The following PPP6R1 variants were observed in gnomAD, a reference collection of about 807,000 sequenced individuals.
PPP6R1 encodes the protein protein phosphatase 6 regulatory subunit 1.
Under a neutral mutation model 104.6 loss-of-function variants are expected in PPP6R1, and 39 were observed. The observed-to-expected ratio is 0.37, with a 90% CI of 0.29 to 0.49. PPP6R1 has a LOEUF of 0.49. Ranked by LOEUF, PPP6R1 falls within the 20% of genes least tolerant of loss-of-function variation. The pLI is 0.98. For synonymous variants in PPP6R1, 549 were observed against 479.0 expected (o/e 1.15, Z -1.91); for missense variants, 1,181 against 1,155.8 (o/e 1.02, Z -0.32).
At chr19:55,252,396 ATTT>A (rs1179232184) in intron 1 of PPP6R1, among the ~76,000 whole-genome samples, 3 of 70,566 alleles carry the variant, frequency 4.3e-5, no homozygotes, top group Non-Finnish European at 5.7e-5. Context: ...TTCTTGGCTG[ATTT>A]TTTTTTTTTT....
rs745967675 is a variant in PPP6R1, at chr19:55,241,224, G to T, written c.1161+15C>A. 3 of 1,406,292 alleles carry T rather than the reference G, an allele frequency of 2.1e-6. No individual in the cohort carries two copies. The highest frequency in any genetic ancestry group is 6.8e-5 in the East Asian group (2 of 29,360). The allele number at this position is 1,406,292 out of a possible 1,614,324, so 87.1% of individuals were successfully genotyped here. ...CCCCAGCCCCTGAACCCCCAGCCCGGTCCAGTCCCCGCACCAGCATGGTGT... is the reference window on the plus strand; with the variant it reads ...CCCCAGCCCCTGAACCCCCAGCCCGTTCCAGTCCCCGCACCAGCATGGTGT... On this transcript the variant is annotated intron_variant, in intron 9 of 23. Transcript: ENST00000412770. The surrounding 1 kb of genome is among the most constrained non-coding windows in gnomAD (Gnocchi z 5.4).
rs1311120603 is a variant in PPP6R1 at position 55,239,225 on chromosome 19, G to A, written c.1751+180C>T. 1.3e-5 allele frequency: 8 copies of A among 623,576 alleles called. No individual in the cohort carries two copies. The Admixed American group carries it at 2.0e-4, about 16-fold the overall frequency. 38.6% of individuals were successfully genotyped at this position (623,576 alleles called of 1,614,324 possible). On this transcript the variant is annotated intron_variant, in intron 15 of 23. Coordinates refer to ENST00000412770, the MANE Select transcript of PPP6R1 (RefSeq NM_014931.4). ...AGAGCTGGAACTCATGTAACAGGAG[G>A]CAGACACACGAGGCTGCAGACACAC...
intron 5 of PPP6R1, 71 bp from the exon 6 acceptor site, chr19:55,242,559 C>G: frequency 7.6e-7 from 1 of 1,322,420 alleles, no homozygotes; most frequent in Non-Finnish European, 1.1e-6. Flanking sequence ...TGCTGGGAGC[C>G]CCTCCCATGA....
chr19:55,254,303 T>C (rs2087576299), intron 1 of PPP6R1, among the ~76,000 whole-genome samples: 1 of 152,168 alleles, frequency 6.6e-6, no homozygotes, highest in South Asian at 2.1e-4. Flanking sequence ...AAGGGGAAAT[T>C]GTAAATGAGA....
chr19:55,245,015 G>C lies in PPP6R1; in HGVS notation c.618+105C>G. On this transcript the variant is annotated intron_variant, in intron 5 of 23. Transcript: ENST00000412770. This position sits in a 1 kb window ranked among gnomAD's most constrained non-coding sequence, Gnocchi z 6.4. Reference sequence around the variant, plus strand: ...GCCCTCCCAAAGTGCTGGAATTACAGGCGTGAGCCACTGCGTCCAGCCCCA... The same window carrying C: ...GCCCTCCCAAAGTGCTGGAATTACACGCGTGAGCCACTGCGTCCAGCCCCA... 6 of 1,492,596 alleles carry C rather than the reference G, an allele frequency of 4.0e-6. 1 individual carries two copies. In the South Asian group the frequency reaches 7.3e-5, roughly 18 times the overall value. 92.5% of individuals were successfully genotyped at this position (1,492,596 alleles called of 1,614,324 possible). A position where few individuals can be genotyped will look rare whatever the true frequency, so the allele number is the denominator to read the frequency against.
At position 55,241,703 on chromosome 19, in the gene PPP6R1, G is replaced by A; in HGVS notation, c.846-64C>T. The A allele has an allele frequency of 6.8e-7, 1 of 1,474,484 alleles. No individual in the cohort carries two copies. Among genetic ancestry groups the A allele is most frequent in the Non-Finnish European group, 9.0e-7 (1 of 1,105,774 alleles). The allele number at this position is 1,474,484 out of a possible 1,614,324, so 91.3% of individuals were successfully genotyped here. A position where few individuals can be genotyped will look rare whatever the true frequency, so the allele number is the denominator to read the frequency against. The stretch of plus-strand genomic sequence containing the variant: ...TGGCCTGTGCGCCCACACAGGAGTA[G>A]GCACAAGGACCACGTCTGCAGGGTC... On this transcript the variant is annotated intron_variant, in intron 7 of 23. Coordinates refer to ENST00000412770, the MANE Select transcript of PPP6R1 (RefSeq NM_014931.4). This position sits in a 1 kb window ranked among gnomAD's most constrained non-coding sequence, Gnocchi z 5.4.
In PPP6R1 at chr19:55,230,659, T is replaced by C. The variant is rs2087333353; in HGVS notation, c.2596A>G (p.Ile866Val). ...CCTTCCGGGGCAGAGCCATTGGGTA[T>C]CGGAGGAGGCGTGAGGGCCTGGGCA... ...QSAQALTPPPIPNGSAPEGPA... is the reference protein window; with the variant it reads ...QSAQALTPPPVPNGSAPEGPA... The change falls in exon 23 of 24, where the codon ATA (isoleucine) becomes GTA (valine). Residue 866 changes from isoleucine to valine, a missense_variant. Physicochemically the swap from Ile to Val is conservative, Grantham distance 29. Transcript: ENST00000412770. The C allele has an allele frequency of 1.2e-6, 2 of 1,607,328 alleles. No homozygotes were observed. Among genetic ancestry groups the C allele is most frequent in the Non-Finnish European group, 1.7e-6 (2 of 1,177,086 alleles).
intron 17 of PPP6R1, among the ~76,000 whole-genome samples, chr19:55,234,155 C>G (rs1167667159): frequency 6.6e-6 from 1 of 152,146 alleles, no homozygotes; most frequent in Non-Finnish European, 1.5e-5. Context: ...CCATGTTGGC[C>G]AGGCTGGTCT....
At chr19:55,250,310 G>A (rs932487904) in intron 1 of PPP6R1, among the ~76,000 whole-genome samples, 10 of 152,242 alleles carry the variant, frequency 6.6e-5, no homozygotes, top group Admixed American at 5.9e-4. Flanking sequence ...CCTATGCCCC[G>A]ATCCAGGGGT....
In PPP6R1 at chr19:55,242,232, T is replaced by C. The variant is rs1015991955; in HGVS notation, c.779A>G (p.Gln260Arg). 6.2e-7 allele frequency: 1 copy of C among 1,613,956 alleles called. No individual in the cohort carries two copies. Residue 260 changes from glutamine to arginine, a missense_variant, in exon 7 of 24, where the codon CAG becomes CGG. Gln to Arg is a conservative substitution (Grantham distance 43). Coordinates refer to ENST00000412770, the MANE Select transcript of PPP6R1 (RefSeq NM_014931.4). ...QLLSNMFEGE[Q>R]SQSVIVSGIQ... The stretch of plus-strand genomic sequence containing the variant: ...CCCACTGACGATGACAGACTGGCTC[T>C]GCTCCCCCTCGAACATGTTGCTTAA...
chr19:55,232,012 G>A (rs1453140795), intron 18 of PPP6R1, 30 bp from the exon 19 acceptor site: 2 of 1,609,176 alleles, frequency 1.2e-6, no homozygotes, highest in Admixed American at 1.7e-5. Context: ...GCGGGATGGA[G>A]GGTGAACTCA....
chr19:55,233,780 A>C (rs979400901), intron 17 of PPP6R1, among the ~76,000 whole-genome samples: 6 of 152,260 alleles, frequency 3.9e-5, no homozygotes, highest in Non-Finnish European at 7.3e-5. Flanking sequence ...AGAAATTTTA[A>C]GACCTATATA....
rs762305594 is a variant in PPP6R1, at chr19:55,247,357, C to A, written c.-6-248G>T. The A allele has an allele frequency of 1.7e-4, 90 of 542,018 alleles. No individual in the cohort carries two copies. In the Middle Eastern group the frequency reaches 5.3e-3, roughly 32 times the overall value. 33.6% of individuals were successfully genotyped at this position (542,018 alleles called of 1,614,324 possible). On this transcript the variant is annotated intron_variant, in intron 1 of 23. Coordinates refer to ENST00000412770, the MANE Select transcript of PPP6R1 (RefSeq NM_014931.4). Reference sequence around the variant, plus strand: ...TTGCCCTCGAGCCTGCCCCTCTTCCCCCATCTCCAGCCTCCCGGCCGCCTC... The same window carrying A: ...TTGCCCTCGAGCCTGCCCCTCTTCCACCATCTCCAGCCTCCCGGCCGCCTC...
At chr19:55,255,745 C>A (rs2087587752) in intron 1 of PPP6R1, 1 of 152,532 alleles carries the variant, frequency 6.6e-6, no homozygotes, top group Admixed American at 6.5e-5. Flanking sequence ...CTGCTCCCTC[C>A]TCCTTCCCGG....
At position 55,236,985 on chromosome 19, in the gene PPP6R1, A is replaced by G; in HGVS notation, c.1752-15T>C. The G allele has an allele frequency of 6.2e-7, 1 of 1,603,874 alleles. No individual in the cohort carries two copies. The highest frequency in any genetic ancestry group is 8.5e-7 in the Non-Finnish European group (1 of 1,170,782). On this transcript the variant is annotated splice_polypyrimidine_tract_variant and intron_variant, in intron 15 of 23. Transcript: ENST00000412770. ...CAAAAGGTGCGCTAGGAGAGAAGGC[A>G]AGGCATGGTGAGAAGGTCCACCTGG...
intron 15 of PPP6R1, among the ~76,000 whole-genome samples, chr19:55,237,475 T>TAA (rs1260182336): frequency 6.6e-6 from 1 of 152,166 alleles, no homozygotes; most frequent in East Asian, 1.9e-4. Context: ...CGTCAAAACT[T>TAA]AAACTGTGCC....
At chr19:55,254,347 C>T (rs1328757547) in intron 1 of PPP6R1, among the ~76,000 whole-genome samples, 10 of 152,220 alleles carry the variant, frequency 6.6e-5, no homozygotes, top group Admixed American at 2.6e-4. Flanking sequence ...CTACCTCTGC[C>T]GCTCTCCCTC....
At chr19:55,237,956 T>A (rs1165280704) in intron 15 of PPP6R1, among the ~76,000 whole-genome samples, 2 of 152,238 alleles carry the variant, frequency 1.3e-5, no homozygotes, top group Non-Finnish European at 2.9e-5. Context: ...TGGAATTTTC[T>A]TGGTAGAGGA....
At chr19:55,252,354 C>T (rs1183647505) in intron 1 of PPP6R1, among the ~76,000 whole-genome samples, 2 of 151,150 alleles carry the variant, frequency 1.3e-5, no homozygotes, top group South Asian at 2.1e-4. Context: ...CTCAGCCTCC[C>T]GAGTAGTGGG....
Sources: gnomAD v4.1 joint callset for allele counts (sites outside exome capture counted in the v4.1 genomes callset) on GRCh38, gnomAD v4.1.1 for gene constraint, Gnocchi (gnomAD v3.1) non-coding constraint, MANE v1.5 for transcripts, NCBI Gene and HGNC (gene_info 2026-07-23, HGNC 2026-07-21) for gene names.